IQSEC1: variants seen among roughly 807,000 people sequenced by gnomAD.
IQSEC1 encodes IQ motif and Sec7 domain ArfGEF 1.
Under a neutral mutation model 91.0 loss-of-function variants are expected in IQSEC1, and 31 were observed. The ratio of observed to expected loss-of-function variants is 0.34; its 90% confidence interval spans 0.26 to 0.46. IQSEC1 has a LOEUF of 0.46. Ranked by LOEUF, IQSEC1 falls within the 20% of genes least tolerant of loss-of-function variation. IQSEC1 has a pLI of 1.00. For missense variants in IQSEC1, 1,388 were observed against 1,575.6 expected (o/e 0.88, Z 2.02); for synonymous variants, 699 against 662.6 (o/e 1.05, Z -0.84).
At chr3:12,912,912 G>A (rs1258275001) in intron 9 of IQSEC1, among the ~76,000 whole-genome samples, 1 of 152,186 alleles carries the variant, frequency 6.6e-6, no homozygotes, top group Non-Finnish European at 1.5e-5. Context: ...ACCAGCTCAG[G>A]GCTCCAGGAG....
At chr3:12,902,908 G>T in intron 12 of IQSEC1, 86 bp from the exon 13 acceptor site, 4 of 1,011,716 alleles carry the variant, frequency 4.0e-6, no homozygotes, top group Non-Finnish European at 6.2e-6. Flanking sequence ...CTGCCACGGA[G>T]CCTGCACCCC....
intron 1 of IQSEC1, among the ~76,000 whole-genome samples, chr3:13,045,282 C>T (rs1486773971): frequency 6.6e-6 from 1 of 152,234 alleles, no homozygotes; most frequent in Admixed American, 6.5e-5. Flanking sequence ...GCTCTTGTCA[C>T]CACTTGACAC....
intron 1 of IQSEC1, among the ~76,000 whole-genome samples, chr3:13,196,935 C>T (rs1694140722): frequency 1.3e-5 from 2 of 151,954 alleles, no homozygotes; most frequent in African/African-American, 4.8e-5. Flanking sequence ...GGGGTGTCAC[C>T]GGGCAGCAGA....
chr3:12,931,495 G>C (rs750363810), intron 3 of IQSEC1, among the ~76,000 whole-genome samples: 2 of 152,176 alleles, frequency 1.3e-5, no homozygotes, highest in Non-Finnish European at 2.9e-5. Context: ...GAAGGTGTTC[G>C]GCATGGGGCC....
At chr3:12,986,321 C>A (rs778331418) in intron 1 of IQSEC1, among the ~76,000 whole-genome samples, 21 of 152,182 alleles carry the variant, frequency 1.4e-4, no homozygotes, top group Admixed American at 1.4e-3. Flanking sequence ...AGCAGCCCTG[C>A]GCCAGAGGCA....
At position 13,008,027 on chromosome 3, in the gene IQSEC1, G is replaced by C. The variant is rs1032639071; in HGVS notation, c.23+64965C>G. ...CACTCCTCTAGGAAGCCAGGTGAGA[G>C]AGCAGAGGAACTACCCTTCCATAAG... On this transcript the variant is annotated intron_variant, in intron 1 of 13. Coordinates refer to ENST00000613206, the MANE Select transcript of IQSEC1 (RefSeq NM_001134382.3). This position sits in a 1 kb window ranked among gnomAD's most constrained non-coding sequence, Gnocchi z 4.1. Among the ~76,000 whole-genome samples the C allele has an allele frequency of 4.6e-5, 7 of 152,354 alleles. No homozygotes were observed. The highest frequency in any genetic ancestry group is 1.7e-4 in the African/African-American group (7 of 41,582).
At chr3:12,904,724 G>C (rs1238604837) in intron 12 of IQSEC1, among the ~76,000 whole-genome samples, 1 of 152,178 alleles carries the variant, frequency 6.6e-6, no homozygotes, top group Non-Finnish European at 1.5e-5. Context: ...CCTAACGCCT[G>C]GGACTCCTCT....
chr3:13,007,276 C>T (rs2124881310), intron 1 of IQSEC1, among the ~76,000 whole-genome samples: 1 of 152,358 alleles, frequency 6.6e-6, no homozygotes, highest in South Asian at 2.1e-4. Context: ...CTGTCTCCAG[C>T]TGGTATGCGG....
rs1696676526 is a variant in IQSEC1 at position 12,922,008 on chromosome 3, C to T, written c.1853+112G>A. 7.6e-7 allele frequency: 1 copy of T among 1,314,792 alleles called. No homozygotes were observed. Among genetic ancestry groups the T allele is most frequent in the Non-Finnish European group, 1.0e-6 (1 of 988,684 alleles). 81.4% of individuals were successfully genotyped at this position (1,314,792 alleles called of 1,614,324 possible). On this transcript the variant is annotated intron_variant, in intron 5 of 13. Transcript: ENST00000613206. This position sits in a 1 kb window ranked among gnomAD's most constrained non-coding sequence, Gnocchi z 5.1. ...CCCCCAAAGCAACATTCAGGGACAC[C>T]TGGCCCTGTCTAGGGATGGTGGGGA... is the stretch of plus-strand genomic sequence containing the variant.
intron 1 of IQSEC1, among the ~76,000 whole-genome samples, chr3:13,251,564 C>A (rs1257686636): frequency 6.6e-6 from 1 of 152,156 alleles, no homozygotes; most frequent in Non-Finnish European, 1.5e-5. Flanking sequence ...GAGAAGAGGA[C>A]CCAGAAGGAA....
At chr3:12,913,874 C>T (rs1003364152) in intron 8 of IQSEC1, among the ~76,000 whole-genome samples, 26 of 152,200 alleles carry the variant, frequency 1.7e-4, no homozygotes, top group Admixed American at 1.5e-3. Context: ...ATCACGTTCA[C>T]CTGGGAGCCT....
At chr3:13,037,447 A>G (rs1194027044) in intron 1 of IQSEC1, among the ~76,000 whole-genome samples, 1 of 152,248 alleles carries the variant, frequency 6.6e-6, no homozygotes, top group Non-Finnish European at 1.5e-5. Flanking sequence ...ACCATGAAAT[A>G]CTATACACCA....
intron 1 of IQSEC1, among the ~76,000 whole-genome samples, chr3:12,965,654 T>C (rs1700517005): frequency 6.6e-6 from 1 of 152,202 alleles, no homozygotes; most frequent in Non-Finnish European, 1.5e-5. Flanking sequence ...CCAAGCAGGC[T>C]TCCCTGAAGC....
chr3:12,986,319 T>C (rs952304710), intron 1 of IQSEC1, among the ~76,000 whole-genome samples: 8 of 152,168 alleles, frequency 5.3e-5, no homozygotes, highest in Non-Finnish European at 8.8e-5. Context: ...ACAGCAGCCC[T>C]GCGCCAGAGG....
rs1266120744 is a variant in IQSEC1 at position 13,196,745 on chromosome 3, TGTGC to T, written c.273-32616_273-32613del. ...GCGCGTGCGTGTGTATGTACATGTG[TGTGC>T]GTGTGTGTGTGTGTGTGTGTGTGTG... is the stretch of plus-strand genomic sequence containing the variant. On this transcript the variant is annotated intron_variant, in intron 1 of 15. Transcript: ENST00000648114. Among the ~76,000 whole-genome samples, 8 of 114,990 alleles carry T rather than the reference TGTGC, an allele frequency of 7.0e-5. No individual in the cohort carries two copies. The East Asian group carries it at 1.3e-3, about 19-fold the overall frequency. The allele number at this position is 114,990 out of a possible 152,430, so 75.4% of individuals were successfully genotyped here.
intron 1 of IQSEC1, among the ~76,000 whole-genome samples, chr3:13,017,643 C>T (rs1703197473): frequency 6.6e-6 from 1 of 152,192 alleles, no homozygotes. Flanking sequence ...TAGTTAGCAC[C>T]TGGCACAGTG....
intron 1 of IQSEC1, among the ~76,000 whole-genome samples, chr3:13,025,964 G>C (rs1703597108): frequency 6.6e-6 from 1 of 152,180 alleles, no homozygotes; most frequent in Non-Finnish European, 1.5e-5. Flanking sequence ...TCCACCCTGG[G>C]CCAGGAATTC....
chr3:12,955,178 C>T (rs1329301046), intron 1 of IQSEC1, among the ~76,000 whole-genome samples: 1 of 152,276 alleles, frequency 6.6e-6, no homozygotes, highest in African/African-American at 2.4e-5. Context: ...CACATGCTCA[C>T]TGTGCTGAAA....
chr3:13,101,638 G>A (rs1706066017), intron 2 of IQSEC1, among the ~76,000 whole-genome samples: 1 of 151,980 alleles, frequency 6.6e-6, no homozygotes, highest in Non-Finnish European at 1.5e-5. Flanking sequence ...AGTCAGGCTG[G>A]GCTGCAGGCG....
Sources: gnomAD v4.1 joint callset for allele counts (sites outside exome capture counted in the v4.1 genomes callset) on GRCh38, gnomAD v4.1.1 for gene constraint, Gnocchi (gnomAD v3.1) non-coding constraint, MANE v1.5 for transcripts, NCBI Gene and HGNC (gene_info 2026-07-23, HGNC 2026-07-21) for gene names.